Variants in ATP2A3 observed in about 807,000 individuals in gnomAD.
ATP2A3 encodes the protein sarcoplasmic/endoplasmic reticulum calcium ATPase 3.
In ATP2A3, 61 loss-of-function variants were observed where a neutral mutation model predicts 106.8. That is an observed-to-expected ratio of 0.57 (90% CI 0.46 to 0.71). ATP2A3 has a LOEUF of 0.71. Among genes scored for constraint, ATP2A3 ranks in the 30% least tolerant of loss-of-function variants. The probability of loss-of-function intolerance (pLI) is 0.00; values close to 1 mark genes in which losing one functional copy is unlikely to be tolerated. For missense variants in ATP2A3, 1,201 were observed against 1,423.5 expected (o/e 0.84, Z 2.52); for synonymous variants, 611 against 609.3 (o/e 1.00, Z -0.04).
In ATP2A3 at chr17:3,929,102, C is replaced by A. The variant is rs1314285543; in HGVS notation, c.2862+226G>T. Among the ~76,000 whole-genome samples, 1 of 152,162 alleles carries A rather than the reference C, an allele frequency of 6.6e-6. No individual in the cohort carries two copies. The highest frequency in any genetic ancestry group is 1.5e-5 in the Non-Finnish European group (1 of 68,022). ...GGGAAAGCTCGTCCTTCCTCCCACCCCAGCCTGGGCACAGTCCCCTCAGCA... is the reference window on the plus strand; with the variant it reads ...GGGAAAGCTCGTCCTTCCTCCCACCACAGCCTGGGCACAGTCCCCTCAGCA... On this transcript the variant is annotated intron_variant, in intron 19 of 20. Coordinates refer to ENST00000397041, the MANE Select transcript of ATP2A3 (RefSeq NM_005173.4). The surrounding 1 kb of genome is among the most constrained non-coding windows in gnomAD (Gnocchi z 4.3).
intron 20 of ATP2A3, chr17:3,927,566 C>T: frequency 2.0e-6 from 2 of 985,412 alleles, no homozygotes; most frequent in Admixed American, 6.1e-5. Flanking sequence ...CCTTGGGCCC[C>T]CATGGATGGG....
At chr17:3,931,959 A>AT (rs2053126844) in intron 17 of ATP2A3, among the ~76,000 whole-genome samples, 1 of 152,210 alleles carries the variant, frequency 6.6e-6, no homozygotes, top group African/African-American at 2.4e-5. Context: ...ACAAATGCAG[A>AT]TAAGGCCACT....
At chr17:3,951,543 A>ACCCCCCCCCCCCCCCC in intron 4 of ATP2A3, 38 bp downstream of exon 4, 8 of 1,386,992 alleles carry the variant, frequency 5.8e-6, no homozygotes, top group Non-Finnish European at 6.9e-6. Context: ...TGGCTGGGAG[A>ACCCCCCCCCCCCCCCC]CCGCCCCCCG....
chr17:3,948,731 C>CT (rs1326248020), intron 7 of ATP2A3, among the ~76,000 whole-genome samples: 1 of 152,096 alleles, frequency 6.6e-6, no homozygotes, highest in Non-Finnish European at 1.5e-5. Context: ...TCCAAAGCTT[C>CT]TTAGTGACAG....
chr17:3,931,743 G>A (rs1322140981), intron 17 of ATP2A3, among the ~76,000 whole-genome samples: 1 of 152,076 alleles, frequency 6.6e-6, no homozygotes, highest in South Asian at 2.1e-4. Flanking sequence ...GGATGGTCTA[G>A]AACTCCTGAC....
intron 15 of ATP2A3, 60 bp downstream of exon 15, chr17:3,937,356 C>T: frequency 6.4e-7 from 1 of 1,561,894 alleles, no homozygotes; most frequent in Non-Finnish European, 8.7e-7. Flanking sequence ...AGGCGTTTTC[C>T]CCATCTCAGG....
intron 1 of ATP2A3, among the ~76,000 whole-genome samples, chr17:3,963,415 C>G (rs2055247178): frequency 6.6e-6 from 1 of 152,372 alleles, no homozygotes; most frequent in East Asian, 1.9e-4. Context: ...CAGGCCACAT[C>G]TGGACAGTAC....
chr17:3,962,222 A>T (rs1210633778), intron 1 of ATP2A3, among the ~76,000 whole-genome samples: 2 of 152,212 alleles, frequency 1.3e-5, no homozygotes, highest in Non-Finnish European at 2.9e-5. Context: ...GGGGAAACTG[A>T]GGCCCAGAGA....
rs1463686843 is a variant in ATP2A3 at position 3,947,909 on chromosome 17, GGACCCCT to G, written c.631-61_631-55del. The G allele has an allele frequency of 7.7e-6, 12 of 1,566,304 alleles. No individual in the cohort carries two copies. The highest frequency in any genetic ancestry group is 1.0e-5 in the Non-Finnish European group (12 of 1,153,146). On this transcript the variant is annotated intron_variant, in intron 7 of 20. Coordinates refer to ENST00000397041, the MANE Select transcript of ATP2A3 (RefSeq NM_005173.4). This position sits in a 1 kb window ranked among gnomAD's most constrained non-coding sequence, Gnocchi z 7.7. ...TGCTCAGCAGCCAACCAGGGGCCCA[GGACCCCT>G]GACTCCTTCAGGCCGGAATAAGGCA...
rs749444387 is a variant in ATP2A3 at position 3,947,648 on chromosome 17, C to G, written c.838G>C (p.Ala280Pro). Residue 280 changes from alanine (A) to proline (P), a missense_variant, in exon 8 of 21, where the codon GCC (alanine) becomes CCC (proline). Transcript: ENST00000397041. This position sits in a 1 kb window ranked among gnomAD's most constrained non-coding sequence, Gnocchi z 7.7. Reference sequence around the variant, plus strand: ...CAGGAGCCACCGTGGGCCGGGTCGGCGAAGTGGCCGATGTTGATGACCCAC... The same window carrying G: ...CAGGAGCCACCGTGGGCCGGGTCGGGGAAGTGGCCGATGTTGATGACCCAC... ...AVWVINIGHF[A>P]DPAHGGSWLR... 1 of 1,612,278 alleles carries G rather than the reference C, an allele frequency of 6.2e-7. No individual in the cohort carries two copies. Among genetic ancestry groups the G allele is most frequent in the Non-Finnish European group, 8.5e-7 (1 of 1,179,874 alleles).
Position 3,964,406 on chromosome 17 carries a change from T to C in ATP2A3, c.-115A>G, listed in dbSNP as rs1567734832. The stretch of plus-strand genomic sequence containing the variant: ...CGGGCGGGCGCCGCGCGAGGCCATG[T>C]CCGTGCTGGGACCTTACCCGACGGC... On this transcript the variant is annotated 5_prime_UTR_variant, in exon 1 of 21. Transcript: ENST00000397041. The C allele has an allele frequency of 2.0e-5, 9 of 457,022 alleles. No individual in the cohort carries two copies. Among genetic ancestry groups the C allele is most frequent in the Non-Finnish European group, 2.7e-5 (9 of 334,078 alleles). The allele number at this position is 457,022 out of a possible 1,614,324, so 28.3% of individuals were successfully genotyped here.
intron 1 of ATP2A3, among the ~76,000 whole-genome samples, chr17:3,956,424 C>T (rs2054785288): frequency 6.6e-6 from 1 of 152,200 alleles, no homozygotes; most frequent in Non-Finnish European, 1.5e-5. Context: ...TCTAGGAGGT[C>T]ACTGTCCAGT....
At chr17:3,954,114 T>C (rs916157) in intron 1 of ATP2A3, among the ~76,000 whole-genome samples, 104 of 152,196 alleles carry the variant, frequency 6.8e-4, no homozygotes, top group Non-Finnish European at 1.1e-3. Context: ...AGCCCTTCCT[T>C]AGATGGCCGC....
chr17:3,935,384 CCT>C (rs1277935731), intron 16 of ATP2A3, 107 bp from the exon 17 acceptor site: 7 of 1,067,972 alleles, frequency 6.6e-6, no homozygotes, highest in Non-Finnish European at 9.7e-6. Context: ...CCACCCTTTT[CCT>C]CTCTCAGCCC....
In ATP2A3 at chr17:3,930,309, G is replaced by A. The variant is rs1263551075; in HGVS notation, c.2736C>T (p.Ala912=). ...CCCTGCGCCCAGCCTACCTGTTGAG[G>A]GCATTGCACATTTCAATGGTCACGA... ...SVLVTIEMCN[A]LNSVSENQSL... is the part of the protein sequence containing the mutation. Residue 912 remains alanine (A), a synonymous_variant, in exon 18 of 21, where the codon GCC becomes GCT. Coordinates refer to ENST00000397041, the MANE Select transcript of ATP2A3 (RefSeq NM_005173.4). This position sits in a 1 kb window ranked among gnomAD's most constrained non-coding sequence, Gnocchi z 5.4. The A allele has an allele frequency of 6.3e-7, 1 of 1,595,186 alleles. No individual in the cohort carries two copies. The highest frequency in any genetic ancestry group is 8.5e-7 in the Non-Finnish European group (1 of 1,170,956).
intron 1 of ATP2A3, among the ~76,000 whole-genome samples, chr17:3,962,541 T>G (rs959738021): frequency 6.6e-6 from 1 of 152,072 alleles, no homozygotes; most frequent in African/African-American, 2.4e-5. Flanking sequence ...CCACCCTCTG[T>G]GGACCTACAC....
At chr17:3,945,193 T>C (rs2054044143) in intron 8 of ATP2A3, 45 bp from the exon 9 acceptor site, 4 of 1,519,616 alleles carry the variant, frequency 2.6e-6, no homozygotes, top group Non-Finnish European at 3.6e-6. Flanking sequence ...GTCGCCTCCC[T>C]CCTCCCCGGG....
Position 3,942,712 on chromosome 17 carries a change from C to T in ATP2A3, c.1439G>A (p.Arg480Gln), listed in dbSNP as rs762647690. The change falls in exon 12 of 21, where the codon CGG (arginine) becomes CAG (glutamine). Residue 480 changes from arginine (R) to glutamine (Q), a missense_variant. Transcript: ENST00000397041. ...ACNTVIKQLM[R>Q]KEFTLEFSRD... ...GGAGAACTCCAGGGTGAACTCCTTC[C>T]GCATCAGCTGCTTGATGACCTGCGG... 14 of 1,613,420 alleles carry T rather than the reference C, an allele frequency of 8.7e-6. No homozygotes were observed. Among genetic ancestry groups the T allele is most frequent in the Admixed American group, 5.0e-5 (3 of 60,014 alleles).
At position 3,935,040 on chromosome 17, in the gene ATP2A3, G is replaced by C. The variant is rs573490645; in HGVS notation, c.2610+152C>G. Reference sequence around the variant, plus strand: ...TGTCTCTGGGTTTCCCGTGGGCTCTGAGCTCGGCTCCCCAGGTGGGGATGT... The same window carrying C: ...TGTCTCTGGGTTTCCCGTGGGCTCTCAGCTCGGCTCCCCAGGTGGGGATGT... On this transcript the variant is annotated intron_variant, in intron 17 of 20. Coordinates refer to ENST00000397041, the MANE Select transcript of ATP2A3 (RefSeq NM_005173.4). 16 of 837,638 alleles carry C rather than the reference G, an allele frequency of 1.9e-5. No homozygotes were observed. The East Asian group carries it at 4.0e-4, about 21-fold the overall frequency. 51.9% of individuals were successfully genotyped at this position (837,638 alleles called of 1,614,324 possible).
Sources: gnomAD v4.1 joint callset for allele counts (sites outside exome capture counted in the v4.1 genomes callset) on GRCh38, gnomAD v4.1.1 for gene constraint, Gnocchi (gnomAD v3.1) non-coding constraint, MANE v1.5 for transcripts, NCBI Gene and HGNC (gene_info 2026-07-23, HGNC 2026-07-21) for gene names.